SDCCAG8: variants seen among roughly 807,000 people sequenced by gnomAD.
The protein encoded by SDCCAG8 is serologically defined colon cancer antigen 8.
A neutral mutation model predicts 101.8 loss-of-function variants in SDCCAG8; 74 were observed. The ratio of observed to expected loss-of-function variants is 0.73; its 90% CI spans 0.60 to 0.88. SDCCAG8 has a LOEUF of 0.88. Ranked by LOEUF, SDCCAG8 falls within the 40% of genes least tolerant of loss-of-function variation. The pLI, the probability that SDCCAG8 is intolerant of heterozygous loss-of-function variation, is 0.00. For synonymous variants in SDCCAG8, 281 were observed against 292.9 expected (o/e 0.96, Z 0.41); for missense variants, 787 against 822.6 (o/e 0.96, Z 0.53).
intron 6 of SDCCAG8, among the ~76,000 whole-genome samples, chr1:243,302,375 G>T (rs1287695928): frequency 6.6e-6 from 1 of 152,184 alleles, no homozygotes; most frequent in Non-Finnish European, 1.5e-5. Context: ...ACATTTATTA[G>T]TAAGGAAGAG....
intron 17 of SDCCAG8, among the ~76,000 whole-genome samples, chr1:243,490,244 G>A (rs1332705689): frequency 6.6e-6 from 1 of 152,222 alleles, no homozygotes; most frequent in East Asian, 1.9e-4. Flanking sequence ...AGCACACCCA[G>A]GCGCCACGGA....
At position 243,308,066 on chromosome 1, in the gene SDCCAG8, C is replaced by T; in HGVS notation, c.818C>T (p.Ala273Val). The T allele has an allele frequency of 6.2e-7, 1 of 1,614,164 alleles. No individual in the cohort carries two copies. The part of the protein sequence containing the change: ...QLKHKEFLLA[A>V]NTCNRVGGLC... Reference sequence around the variant, plus strand: ...AAGCATAAAGAATTTCTTCTGGCTGCTAATACTTGTAACCGTGTTGGTGGT... The same window carrying T: ...AAGCATAAAGAATTTCTTCTGGCTGTTAATACTTGTAACCGTGTTGGTGGT... The change falls in exon 8 of 18, where the codon GCT (alanine) becomes GTT (valine). Residue 273 changes from alanine (A) to valine (V), a missense_variant. By Grantham distance (64) the Ala-to-Val change is moderately conservative (BLOSUM62 0). Coordinates refer to ENST00000366541, the MANE Select transcript of SDCCAG8 (RefSeq NM_006642.5).
chr1:243,420,073 C>T (rs1243779907), intron 15 of SDCCAG8, among the ~76,000 whole-genome samples: 1 of 152,146 alleles, frequency 6.6e-6, no homozygotes, highest in Non-Finnish European at 1.5e-5. Flanking sequence ...CTATTCGCAC[C>T]TCCTGATCTG....
At chr1:243,387,242 G>GC (rs1428167846) in intron 13 of SDCCAG8, among the ~76,000 whole-genome samples, 1 of 151,862 alleles carries the variant, frequency 6.6e-6, no homozygotes, top group Non-Finnish European at 1.5e-5. Flanking sequence ...CATACCTTTT[G>GC]CCCATGTACT....
At chr1:243,268,117 C>T (rs983134763) in intron 1 of SDCCAG8, 10 of 682,378 alleles carry the variant, frequency 1.5e-5, no homozygotes, top group Non-Finnish European at 2.4e-5. Flanking sequence ...TTTGCTTCCT[C>T]ATGGTCACAC....
intron 13 of SDCCAG8, among the ~76,000 whole-genome samples, chr1:243,414,300 T>C (rs1573910852): frequency 6.6e-6 from 1 of 152,176 alleles, no homozygotes; most frequent in African/African-American, 2.4e-5. Flanking sequence ...AAGAGACATG[T>C]GCAGTGATCC....
chr1:243,444,344 G>T (rs190303688), intron 16 of SDCCAG8, among the ~76,000 whole-genome samples: 18 of 151,514 alleles, frequency 1.2e-4, no homozygotes, highest in African/African-American at 4.1e-4. Context: ...GTTCTGTTGC[G>T]GCACTAAAGT....
At chr1:243,343,532 G>A (rs922287215) in intron 11 of SDCCAG8, among the ~76,000 whole-genome samples, 5 of 152,294 alleles carry the variant, frequency 3.3e-5, no homozygotes, top group African/African-American at 1.2e-4. Flanking sequence ...TATTGGTGCC[G>A]TATTACAATT....
chr1:243,374,883 T>TA (rs556677690), intron 12 of SDCCAG8, among the ~76,000 whole-genome samples: 57 of 152,086 alleles, frequency 3.7e-4, no homozygotes, highest in African/African-American at 1.2e-3. Flanking sequence ...TATGTTCATT[T>TA]AAAAAAAATT....
chr1:243,295,137 T>C (rs1363919347), intron 6 of SDCCAG8, among the ~76,000 whole-genome samples: 2 of 152,224 alleles, frequency 1.3e-5, no homozygotes, highest in African/African-American at 4.8e-5. Context: ...CAGTAGCTAC[T>C]TAATACCTAT....
At chr1:243,281,358 A>C (rs1359169413) in intron 4 of SDCCAG8, among the ~76,000 whole-genome samples, 47 of 145,242 alleles carry the variant, frequency 3.2e-4, no homozygotes, top group Admixed American at 3.1e-3. Flanking sequence ...CTGGTCTTGA[A>C]CTCCTGGGCT....
At chr1:243,286,790 T>C (rs2069663089) in intron 5 of SDCCAG8, among the ~76,000 whole-genome samples, 1 of 152,236 alleles carries the variant, frequency 6.6e-6, no homozygotes, top group Non-Finnish European at 1.5e-5. Context: ...AGCTGCATGA[T>C]GTAGCAGAAA....
Position 243,308,045 on chromosome 1 carries a change from A to C in SDCCAG8, c.797A>C (p.His266Pro), listed in dbSNP as rs1337665597. The part of the protein sequence containing the change: ...TCEDLKEQLK[H>P]KEFLLAANTC... The stretch of plus-strand genomic sequence containing the variant: ...GAAGATCTTAAAGAGCAACTAAAGC[A>C]TAAAGAATTTCTTCTGGCTGCTAAT... The change falls in exon 8 of 18, where the codon CAT becomes CCT. Residue 266 changes from histidine to proline, a missense_variant. Coordinates refer to ENST00000366541, the MANE Select transcript of SDCCAG8 (RefSeq NM_006642.5). 12 of 1,614,192 alleles carry C rather than the reference A, an allele frequency of 7.4e-6. No homozygotes were observed. Among genetic ancestry groups the C allele is most frequent in the East Asian group, 6.7e-5 (3 of 44,878 alleles).
rs142660087 is a variant in SDCCAG8, at chr1:243,452,166, G to C, written c.1985+25608G>C. 1.1e-3 allele frequency among the ~76,000 whole-genome samples: 174 copies of C among 152,228 alleles called. 1 individual carries two copies. Among genetic ancestry groups the C allele is most frequent in the Non-Finnish European group, 2.2e-3 (149 of 68,034 alleles). ...AGGCCACACACCAGAAAGGAATATA[G>C]TAGTGCTCTCTGGGATTACTGGTGT... On this transcript the variant is annotated intron_variant, in intron 16 of 17. Transcript: ENST00000366541.
chr1:243,400,011 G>A (rs1263431367), intron 13 of SDCCAG8, among the ~76,000 whole-genome samples: 1 of 152,194 alleles, frequency 6.6e-6, no homozygotes, highest in South Asian at 2.1e-4. Context: ...CTAAGTGGTG[G>A]CGTAGGCACT....
chr1:243,465,429 G>A (rs1268290680), intron 16 of SDCCAG8, among the ~76,000 whole-genome samples: 1 of 152,164 alleles, frequency 6.6e-6, no homozygotes, highest in Non-Finnish European at 1.5e-5. Flanking sequence ...TTCGAATTTT[G>A]GAAGAGCATA....
chr1:243,348,297 G>T (rs939873255), intron 12 of SDCCAG8, among the ~76,000 whole-genome samples: 3 of 151,158 alleles, frequency 2.0e-5, no homozygotes, highest in Non-Finnish European at 4.4e-5. Flanking sequence ...TGATCCGCCG[G>T]CCTCGGCCTC....
Position 243,499,997 on chromosome 1 carries a change from A to G in SDCCAG8, c.*212A>G. ...TCTAGCTGAGCAGAGCTCCTGGTGT[A>G]TGTTTTCAGAAATGGCTTGAAGTTA... is the stretch of plus-strand genomic sequence containing the variant. On this transcript the variant is annotated 3_prime_UTR_variant, in exon 18 of 18. Coordinates refer to ENST00000366541, the MANE Select transcript of SDCCAG8 (RefSeq NM_006642.5). 1.7e-6 allele frequency: 1 copy of G among 598,076 alleles called. No individual in the cohort carries two copies. The allele number at this position is 598,076 out of a possible 1,614,324, so 37.0% of individuals were successfully genotyped here.
intron 15 of SDCCAG8, 47 bp downstream of exon 15, chr1:243,418,123 A>T: frequency 7.5e-7 from 1 of 1,331,850 alleles, no homozygotes; most frequent in Non-Finnish European, 1.1e-6. Flanking sequence ...TTGTGTGATT[A>T]CTCTAATTTT....
Sources: gnomAD v4.1 joint callset for allele counts (sites outside exome capture counted in the v4.1 genomes callset) on GRCh38, gnomAD v4.1.1 for gene constraint, MANE v1.5 for transcripts, NCBI Gene and HGNC (gene_info 2026-07-23, HGNC 2026-07-21) for gene names.